The following HEATR9 variants were observed in gnomAD, a reference collection of about 807,000 sequenced individuals.
HEATR9 encodes the protein protein HEATR9.
A neutral mutation model predicts 68.2 loss-of-function variants in HEATR9; 54 were observed. The observed-to-expected ratio is 0.79, with a 90% CI of 0.64 to 0.99. The LOEUF is 0.99. Among genes scored for constraint, HEATR9 ranks in the 50% least tolerant of loss-of-function variants. The probability of loss-of-function intolerance (pLI) is 0.00; values close to 1 mark genes in which losing one functional copy is unlikely to be tolerated. For missense variants in HEATR9, 662 were observed against 679.7 expected (o/e 0.97, Z 0.29); for synonymous variants, 241 against 253.5 (o/e 0.95, Z 0.47).
chr17:35,860,146 C>T (rs1477626299), intron 8 of HEATR9, among the ~76,000 whole-genome samples: 1 of 151,784 alleles, frequency 6.6e-6, no homozygotes, highest in Non-Finnish European at 1.5e-5. Context: ...CCTGTAATCC[C>T]AGCACTTTGG....
chr17:35,854,992 G>A lies in HEATR9; in HGVS notation c.*71C>T, dbSNP rs2087719418. On this transcript the variant is annotated 3_prime_UTR_variant, in exon 15 of 15. Transcript: ENST00000604834. Reference sequence around the variant, plus strand: ...TGTTTATTCACGGAAGATAAGTATAGATTGTTTTCTCATGGGAGCCTGAGA... The same window carrying A: ...TGTTTATTCACGGAAGATAAGTATAAATTGTTTTCTCATGGGAGCCTGAGA... 2 of 1,249,938 alleles carry A rather than the reference G, an allele frequency of 1.6e-6. No homozygotes were observed. Among genetic ancestry groups the A allele is most frequent in the Admixed American group, 4.1e-5 (2 of 48,550 alleles). 77.4% of individuals were successfully genotyped at this position (1,249,938 alleles called of 1,614,324 possible). A position where few individuals can be genotyped will look rare whatever the true frequency, so the allele number is the denominator to read the frequency against.
chr17:35,861,199 T>C, intron 8 of HEATR9: 2 of 1,602,242 alleles, frequency 1.2e-6, no homozygotes, highest in South Asian at 1.1e-5. Flanking sequence ...TTCTTTGATA[T>C]CCTGAACTTT....
chr17:35,861,581 G>A, intron 8 of HEATR9: 1 of 705,528 alleles, frequency 1.4e-6, no homozygotes. Context: ...AACCTGTGTT[G>A]GTCCCCTTTG....
At chr17:35,861,109 A>G (rs2087975049) in intron 8 of HEATR9, 1 of 1,102,762 alleles carries the variant, frequency 9.1e-7, no homozygotes, top group Non-Finnish European at 1.4e-6. Context: ...ATCCTCTTGT[A>G]ACTGTTGTAC....
chr17:35,862,068 C>G (rs888086265), intron 8 of HEATR9, among the ~76,000 whole-genome samples: 1 of 151,800 alleles, frequency 6.6e-6, no homozygotes, highest in African/African-American at 2.4e-5. Flanking sequence ...TTAGTAGAGA[C>G]AGAGTTTCAC....
chr17:35,857,235 T>C (rs1201170497), intron 11 of HEATR9, among the ~76,000 whole-genome samples: 2 of 152,146 alleles, frequency 1.3e-5, no homozygotes, highest in East Asian at 3.9e-4. Flanking sequence ...CCAAGCACTC[T>C]GAGTGCTCTA....
chr17:35,864,200 G>A, intron 6 of HEATR9, 46 bp downstream of exon 6: 1 of 1,526,426 alleles, frequency 6.6e-7, no homozygotes, highest in East Asian at 2.3e-5. Context: ...ACACATCTCA[G>A]ACCCTGTTTC....
intron 2 of HEATR9, 45 bp from the exon 3 acceptor site, chr17:35,865,441 CCTTA>C: frequency 6.5e-7 from 1 of 1,536,102 alleles, no homozygotes; most frequent in Non-Finnish European, 8.9e-7. Context: ...TCCCCTAGGC[CCTTA>C]CTTGTGAGGG....
intron 14 of HEATR9, 42 bp downstream of exon 14, chr17:35,855,622 G>A (rs768995996): frequency 7.0e-6 from 11 of 1,567,986 alleles, no homozygotes; most frequent in Non-Finnish European, 7.9e-6. Context: ...CTTGAAGGAG[G>A]GCTAGAGAAG....
At chr17:35,856,545 A>G (rs1247306144) in intron 12 of HEATR9, among the ~76,000 whole-genome samples, 187 bp downstream of exon 12, 1 of 152,174 alleles carries the variant, frequency 6.6e-6, no homozygotes, top group Non-Finnish European at 1.5e-5. Context: ...TTTACAGATG[A>G]ACAAAAGCTC....
chr17:35,868,112 C>G (rs1427726422), intron 1 of HEATR9, among the ~76,000 whole-genome samples: 2 of 152,176 alleles, frequency 1.3e-5, no homozygotes, highest in African/African-American at 4.8e-5. Flanking sequence ...GATGCTGATG[C>G]TGCTGGTCAT....
At chr17:35,864,118 G>C (rs548601159) in intron 6 of HEATR9, 128 bp downstream of exon 6, 2 of 716,972 alleles carry the variant, frequency 2.8e-6, no homozygotes, top group African/African-American at 3.5e-5. Flanking sequence ...GCTGCACAGT[G>C]GTGGCTGTGT....
intron 6 of HEATR9, chr17:35,863,994 G>A: frequency 1.8e-6 from 1 of 563,184 alleles, no homozygotes; most frequent in South Asian, 2.4e-5. Flanking sequence ...AGACTTTCCT[G>A]GCTTTTCAGT....
chr17:35,867,371 G>A (rs578049201), intron 1 of HEATR9, among the ~76,000 whole-genome samples: 1 of 148,190 alleles, frequency 6.7e-6, no homozygotes, highest in Non-Finnish European at 1.5e-5. Context: ...GGAGGTGAAG[G>A]TTGCAGGGAG....
intron 1 of HEATR9, 131 bp downstream of exon 1, chr17:35,868,524 C>A: frequency 1.4e-6 from 2 of 1,481,382 alleles, no homozygotes; most frequent in Non-Finnish European, 1.8e-6. Flanking sequence ...TCAAAGTGTC[C>A]AAGGGCCTGC....
intron 11 of HEATR9, among the ~76,000 whole-genome samples, chr17:35,857,510 A>T (rs1481778745): frequency 2.0e-5 from 3 of 152,222 alleles, no homozygotes; most frequent in Non-Finnish European, 4.4e-5. Flanking sequence ...CTGTAATCCC[A>T]GCACTTTGGG....
chr17:35,865,005 A>G (rs2088142597), intron 3 of HEATR9, 115 bp from the exon 4 acceptor site: 1 of 1,420,672 alleles, frequency 7.0e-7, no homozygotes, highest in South Asian at 1.3e-5. Context: ...CCAGAGGAAG[A>G]CAGATGAGGA....
intron 6 of HEATR9, chr17:35,863,844 T>A (rs987968806): frequency 7.0e-6 from 4 of 567,400 alleles, no homozygotes; most frequent in Middle Eastern, 4.6e-4. Context: ...TTTAGAGAAA[T>A]ACAGATACTA....
In HEATR9 at chr17:35,860,228, CA is replaced by C. The variant is rs540689261; in HGVS notation, c.757-1159del. On this transcript the variant is annotated intron_variant, in intron 8 of 14. Transcript: ENST00000604834. ...TGAAACCCCATCTCTACTAAAAATA[CA>C]AAAAAAAAAAAAATTAGCTGGGCGC... 9.7e-3 allele frequency among the ~76,000 whole-genome samples: 1,211 copies of C among 125,320 alleles called. 3 individuals are homozygous for C. The highest frequency in any genetic ancestry group is 0.023 in the South Asian group (90 of 3,882). The allele number at this position is 125,320 out of a possible 152,430, so 82.2% of individuals were successfully genotyped here. A position where few individuals can be genotyped will look rare whatever the true frequency, so the allele number is the denominator to read the frequency against.
Sources: gnomAD v4.1 joint callset for allele counts (sites outside exome capture counted in the v4.1 genomes callset) on GRCh38, gnomAD v4.1.1 for gene constraint, MANE v1.5 for transcripts, NCBI Gene and HGNC (gene_info 2026-07-23, HGNC 2026-07-21) for gene names.